ABCB1: variants seen among roughly 807,000 people sequenced by gnomAD.
ABCB1 encodes ATP-dependent translocase ABCB1.
ABCB1 carries 69 observed loss-of-function variants against 142.0 expected under a neutral mutation model. That is an observed-to-expected ratio of 0.49 (90% confidence interval 0.40 to 0.59). ABCB1 has a LOEUF of 0.59. Among genes scored for constraint, ABCB1 ranks in the 20% least tolerant of loss-of-function variants. The pLI is 0.00. For missense variants in ABCB1, 1,326 were observed against 1,554.7 expected, an observed-to-expected ratio of 0.85 and a Z score of 2.47; for synonymous variants, 532 against 539.2, an observed-to-expected ratio of 0.99 and a Z score of 0.18.
intron 3 of ABCB1, among the ~76,000 whole-genome samples, chr7:87,594,805 G>T (rs1256149986): frequency 6.6e-6 from 1 of 152,110 alleles, no homozygotes; most frequent in Non-Finnish European, 1.5e-5. Context: ...TCACATGACT[G>T]TTTTTTCCCT....
intron 4 of ABCB1, among the ~76,000 whole-genome samples, chr7:87,576,268 T>A (rs992196152): frequency 2.0e-5 from 3 of 151,816 alleles, no homozygotes; most frequent in African/African-American, 7.3e-5. Flanking sequence ...CATATATTAT[T>A]ATGGTCTTAG....
chr7:87,634,496 G>GA (rs1346009107), intron 1 of ABCB1, among the ~76,000 whole-genome samples: 1 of 36,658 alleles, frequency 2.7e-5, no homozygotes, highest in African/African-American at 6.5e-5. Context: ...GTGGGGGGTG[G>GA]GGGGGGGGGC....
intron 1 of ABCB1, among the ~76,000 whole-genome samples, chr7:87,607,179 G>A (rs934548462): frequency 2.6e-5 from 4 of 152,070 alleles, no homozygotes; most frequent in African/African-American, 9.7e-5. Flanking sequence ...TTGGATACAT[G>A]GTTTTTTTCT....
At chr7:87,515,601 A>AT (rs1815205236) in intron 24 of ABCB1, among the ~76,000 whole-genome samples, 173 bp from the exon 25 acceptor site, 1 of 151,392 alleles carries the variant, frequency 6.6e-6, no homozygotes, top group Non-Finnish European at 1.5e-5. Context: ...TTTATTTTTT[A>AT]TTTTTTTGAG....
Position 87,574,289 on chromosome 7 carries a change from T to C in ABCB1, c.287-4066A>G, listed in dbSNP as rs139345048. ...GACGGAATGCCTATGTAGATGATGA[T>C]GCTGAACAACACTTGGCCTTCTCAC... On this transcript the variant is annotated intron_variant, in intron 4 of 27. Coordinates refer to ENST00000622132, the MANE Select transcript of ABCB1 (RefSeq NM_001348946.2). Among the ~76,000 whole-genome samples, 750 of 152,214 alleles carry C rather than the reference T, an allele frequency of 4.9e-3. 4 individuals carry two copies. The highest frequency in any genetic ancestry group is 0.017 in the African/African-American group (711 of 41,538).
chr7:87,515,893 G>A (rs1815224096), intron 24 of ABCB1, among the ~76,000 whole-genome samples: 1 of 152,148 alleles, frequency 6.6e-6, no homozygotes, highest in South Asian at 2.1e-4. Context: ...CACTGTGCTT[G>A]ACCTCAGACT....
intron 8 of ABCB1, among the ~76,000 whole-genome samples, chr7:87,556,983 T>C (rs1253997168): frequency 2.6e-5 from 4 of 152,004 alleles, no homozygotes; most frequent in Non-Finnish European, 5.9e-5. Context: ...ACCCATCCCA[T>C]CTCTGTTCCC....
At chr7:87,701,676 A>G (rs908175777) in intron 1 of ABCB1, among the ~76,000 whole-genome samples, 4 of 152,192 alleles carry the variant, frequency 2.6e-5, no homozygotes, top group African/African-American at 9.6e-5. Context: ...AAAAGAAAAT[A>G]TCTACACTTA....
intron 1 of ABCB1, among the ~76,000 whole-genome samples, chr7:87,634,459 T>TA (rs1442354759): frequency 1.1e-5 from 1 of 93,338 alleles, no homozygotes; most frequent in Non-Finnish European, 1.9e-5. Context: ...CCGTCTCTAC[T>TA]AAAAATACAA....
intron 1 of ABCB1, chr7:87,628,619 GTGT>G: frequency 6.5e-6 from 2 of 306,998 alleles, no homozygotes; most frequent in Non-Finnish European, 1.2e-5. Context: ...GTGTGTGTGT[GTGT>G]GTGGAGCTCG....
At chr7:87,564,387 T>C (rs1035497902) in intron 7 of ABCB1, among the ~76,000 whole-genome samples, 2 of 152,188 alleles carry the variant, frequency 1.3e-5, no homozygotes, top group South Asian at 4.1e-4. Context: ...GGAGTGAAAG[T>C]GGTTTTTCAA....
In ABCB1 at chr7:87,679,525, G is replaced by A. The variant is rs190560115; in HGVS notation, c.-331+33636C>T. On this transcript the variant is annotated intron_variant, in intron 1 of 28. Coordinates refer to the ABCB1 transcript ENST00000265724. ...CCACCTCAGGTTCCTGAGTAGCTGG[G>A]ACTACAGGCACACACCACTACACCC... 3.6e-4 allele frequency among the ~76,000 whole-genome samples: 54 copies of A among 150,092 alleles called. 3 individuals are homozygous for A. The East Asian group carries it at 1.0e-2, about 28-fold the overall frequency.
intron 3 of ABCB1, 109 bp downstream of exon 3, chr7:87,595,657 T>A: frequency 1.1e-6 from 1 of 883,090 alleles, no homozygotes; most frequent in Admixed American, 2.0e-5. Flanking sequence ...TGCATCTCCA[T>A]TAACATACCC....
chr7:87,626,091 T>TATATATTGTCATATATATGTGTC (rs1820438650), intron 1 of ABCB1, among the ~76,000 whole-genome samples: 1 of 95,794 alleles, frequency 1.0e-5, no homozygotes, highest in African/African-American at 6.4e-5. Flanking sequence ...TATATATATA[T>TATATATTGTCATATATATGTGTC]ATATATATTG....
chr7:87,582,668 T>G (rs182812669), intron 4 of ABCB1, among the ~76,000 whole-genome samples: 175 of 152,378 alleles, frequency 1.1e-3, no homozygotes, highest in Non-Finnish European at 1.4e-3. Flanking sequence ...TACTGTGTCA[T>G]TGTGGCATAG....
Position 87,534,004 on chromosome 7 carries a change from C to T in ABCB1, c.2481+2454G>A, listed in dbSNP as rs114105205. Among the ~76,000 whole-genome samples, 881 of 152,224 alleles carry T rather than the reference C, an allele frequency of 5.8e-3. 13 individuals carry two copies. Among genetic ancestry groups the T allele is most frequent in the African/African-American group, 0.018 (731 of 41,534 alleles). On this transcript the variant is annotated intron_variant, in intron 20 of 27. Transcript: ENST00000622132. The stretch of plus-strand genomic sequence containing the variant: ...AAACAAGTGAAAAGCAGAAGGTTGA[C>T]CCCAGCAGGCAATTAGAGACAGTGA...
At chr7:87,700,501 A>G (rs1828937720) in intron 1 of ABCB1, 4 of 1,613,626 alleles carry the variant, frequency 2.5e-6, no homozygotes, top group Non-Finnish European at 2.5e-6. Context: ...AGTTTCACAG[A>G]ATTGTATCTG....
At chr7:87,665,511 C>T (rs942890781) in intron 1 of ABCB1, among the ~76,000 whole-genome samples, 3 of 152,032 alleles carry the variant, frequency 2.0e-5, no homozygotes, top group Non-Finnish European at 4.4e-5. Context: ...CCATACTACC[C>T]AAAGTGACCT....
chr7:87,504,578 G>A, intron 27 of ABCB1, 129 bp from the exon 28 acceptor site: 2 of 1,240,720 alleles, frequency 1.6e-6, no homozygotes, highest in South Asian at 1.3e-5. Flanking sequence ...GGAGGCCAAG[G>A]CGGGCAGATC....
Sources: gnomAD v4.1 joint callset for allele counts (sites outside exome capture counted in the v4.1 genomes callset) on GRCh38, gnomAD v4.1.1 for gene constraint, MANE v1.5 for transcripts, NCBI Gene and HGNC (gene_info 2026-07-23, HGNC 2026-07-21) for gene names.